The following TANGO6 variants were observed in gnomAD, a reference collection of about 807,000 sequenced individuals.
TANGO6 encodes the protein transport and Golgi organization protein 6 homolog.
In TANGO6, 90 loss-of-function variants were observed where a neutral mutation model predicts 114.2. The ratio of observed to expected loss-of-function variants is 0.79; its 90% CI spans 0.66 to 0.94. The LOEUF is 0.94. TANGO6 is among the 40% of genes least tolerant of loss of function. TANGO6 has a pLI of 0.00. For missense variants in TANGO6, 1,274 were observed against 1,315.3 expected (o/e 0.97, Z 0.49); for synonymous variants, 477 against 509.8 (o/e 0.94, Z 0.87).
intron 1 of TANGO6, among the ~76,000 whole-genome samples, chr16:68,852,600 C>T (rs1032893184): frequency 7.2e-5 from 11 of 151,952 alleles, no homozygotes; most frequent in Admixed American, 1.3e-4. Flanking sequence ...GAGGCTGAGG[C>T]GGGAGGATTG....
chr16:69,079,269 G>A (rs946476238), intron 17 of TANGO6, among the ~76,000 whole-genome samples: 5 of 152,026 alleles, frequency 3.3e-5, no homozygotes, highest in African/African-American at 1.2e-4. Flanking sequence ...GGCGGAGGTT[G>A]CAGTGAGCCG....
chr16:68,867,333 C>G, intron 4 of TANGO6, 113 bp downstream of exon 4: 2 of 1,388,898 alleles, frequency 1.4e-6, no homozygotes, highest in Non-Finnish European at 1.0e-6. Flanking sequence ...AAACTAAACT[C>G]CATCCTTGCA....
At chr16:68,943,299 T>C (rs1963374865) in intron 14 of TANGO6, among the ~76,000 whole-genome samples, 1 of 150,878 alleles carries the variant, frequency 6.6e-6, no homozygotes, top group Admixed American at 6.6e-5. Context: ...GACAGGGTCT[T>C]ACCTTGTCAC....
chr16:69,024,404 G>GA (rs1429180190), intron 16 of TANGO6, among the ~76,000 whole-genome samples: 1 of 151,954 alleles, frequency 6.6e-6, no homozygotes, highest in Non-Finnish European at 1.5e-5. Context: ...GAGTAGCTGG[G>GA]ATTACAGGCG....
intron 14 of TANGO6, among the ~76,000 whole-genome samples, chr16:68,972,420 T>A (rs991630240): frequency 1.3e-5 from 2 of 152,196 alleles, no homozygotes; most frequent in Non-Finnish European, 2.9e-5. Flanking sequence ...CCTGCAAGGC[T>A]GTCAGTTTAA....
chr16:68,903,290 C>G (rs192528515), intron 9 of TANGO6, among the ~76,000 whole-genome samples: 1 of 152,026 alleles, frequency 6.6e-6, no homozygotes, highest in South Asian at 2.1e-4. Context: ...TCAGTACAAA[C>G]GCAAGCTGCT....
At chr16:68,926,878 G>C (rs370884942) in intron 12 of TANGO6, 1 of 152,212 alleles carries the variant, frequency 6.6e-6, no homozygotes, top group Non-Finnish European at 1.5e-5. Flanking sequence ...ACACCTTTTG[G>C]GTGGCAGTGG....
At chr16:69,012,556 CAAAA>C (rs1175561720) in intron 15 of TANGO6, among the ~76,000 whole-genome samples, 1 of 36,510 alleles carries the variant, frequency 2.7e-5, no homozygotes, top group African/African-American at 1.0e-4. Flanking sequence ...AACTCTGTCT[CAAAA>C]AAAAAAAAAA....
intron 14 of TANGO6, among the ~76,000 whole-genome samples, chr16:68,963,091 C>CA (rs567582629): frequency 0.033 from 2,536 of 76,670 alleles, 54 homozygotes; most frequent in Non-Finnish European, 0.043. Context: ...GACTCCGTCT[C>CA]AAAAAAAAAA....
chr16:68,976,579 G>A (rs905348369), intron 15 of TANGO6, among the ~76,000 whole-genome samples: 12 of 152,178 alleles, frequency 7.9e-5, no homozygotes, highest in African/African-American at 2.9e-4. Flanking sequence ...ATAGAATTGA[G>A]AGAAGATTCA....
At chr16:69,063,805 CTTCTTATTATTATTA>C (rs1345051563) in intron 17 of TANGO6, among the ~76,000 whole-genome samples, 7 of 118,536 alleles carry the variant, frequency 5.9e-5, no homozygotes, top group African/African-American at 2.7e-4. Flanking sequence ...TCTTCTTCTT[CTTCTTATTATTATTA>C]TTATTATTAT....
intron 14 of TANGO6, among the ~76,000 whole-genome samples, chr16:68,973,323 C>G (rs188343855): frequency 6.6e-6 from 1 of 151,984 alleles, no homozygotes; most frequent in Non-Finnish European, 1.5e-5. Context: ...TTCCTGTTCT[C>G]TGCTAAAGAC....
chr16:68,848,518 A>G (rs1961850949), intron 1 of TANGO6, among the ~76,000 whole-genome samples: 1 of 135,252 alleles, frequency 7.4e-6, no homozygotes, highest in Non-Finnish European at 1.5e-5. Context: ...ATACATATTT[A>G]TTGTAAAAAA....
intron 5 of TANGO6, 67 bp downstream of exon 5, chr16:68,875,357 A>AAGTCCTCTTTC: frequency 6.4e-7 from 1 of 1,552,330 alleles, no homozygotes; most frequent in African/African-American, 1.4e-5. Context: ...AGGACTTTTA[A>AAGTCCTCTTTC]TGTTCCTCTA....
chr16:68,939,158 A>G (rs1484907727), intron 14 of TANGO6, among the ~76,000 whole-genome samples: 2 of 151,948 alleles, frequency 1.3e-5, no homozygotes, highest in Non-Finnish European at 2.9e-5. Flanking sequence ...CAACAATATA[A>G]TAAATTTAGT....
At chr16:69,073,597 A>G (rs968267983) in intron 17 of TANGO6, among the ~76,000 whole-genome samples, 1 of 152,196 alleles carries the variant, frequency 6.6e-6, no homozygotes, top group Non-Finnish European at 1.5e-5. Context: ...TCTGCCGGGA[A>G]TTAGCTCATT....
At chr16:68,972,128 G>T (rs752195507) in intron 14 of TANGO6, among the ~76,000 whole-genome samples, 4 of 151,954 alleles carry the variant, frequency 2.6e-5, no homozygotes, top group South Asian at 2.1e-4. Flanking sequence ...TCTTAGGACT[G>T]AAGTCCTAAG....
At chr16:68,891,292 C>CAAA (rs534661540) in intron 7 of TANGO6, among the ~76,000 whole-genome samples, 20 of 84,894 alleles carry the variant, frequency 2.4e-4, no homozygotes, top group Non-Finnish European at 2.8e-4. Flanking sequence ...AACTCCATCT[C>CAAA]AAAAAAAAAA....
At chr16:68,926,869 C>G (rs1156623415) in intron 12 of TANGO6, 1 of 152,326 alleles carries the variant, frequency 6.6e-6, no homozygotes, top group Non-Finnish European at 1.5e-5. Context: ...ATCACACATA[C>G]ACCTTTTGGG....
Sources: gnomAD v4.1 joint callset for allele counts (sites outside exome capture counted in the v4.1 genomes callset) on GRCh38, gnomAD v4.1.1 for gene constraint, MANE v1.5 for transcripts, NCBI Gene and HGNC (gene_info 2026-07-23, HGNC 2026-07-21) for gene names.